SREBF1: variants seen among roughly 807,000 people sequenced by gnomAD.
SREBF1 encodes sterol regulatory element binding transcription factor 1, also known as sterol regulatory element-binding protein 1.
A neutral mutation model predicts 100.1 loss-of-function variants in SREBF1; 45 were observed. The ratio of observed to expected loss-of-function variants is 0.45; its 90% CI spans 0.35 to 0.58. The LOEUF is 0.58. Among genes scored for constraint, SREBF1 ranks in the 20% least tolerant of loss-of-function variants. The pLI is 0.00. For missense variants in SREBF1, 1,324 were observed against 1,539.4 expected (o/e 0.86, Z 2.34); for synonymous variants, 657 against 681.8 (o/e 0.96, Z 0.57).
chr17:17,817,087 G>A lies in SREBF1; in HGVS notation c.1656C>T (p.Leu552=). ...QWLLPPVVWL[L]NGLLVLVSLV... The stretch of plus-strand genomic sequence containing the variant: ...AGGAGACGAGCACCAACAGCCCATT[G>A]AGCAGCCAGACCACTGGGGGCAGCA... The change falls in exon 9 of 19, where the codon CTC becomes CTT. Residue 552 remains leucine, a synonymous_variant. Coordinates refer to ENST00000261646, the MANE Select transcript of SREBF1 (RefSeq NM_004176.5). This position sits in a 1 kb window ranked among gnomAD's most constrained non-coding sequence, Gnocchi z 6.6. 1 of 1,613,094 alleles carries A rather than the reference G, an allele frequency of 6.2e-7. No homozygotes were observed. Among genetic ancestry groups the A allele is most frequent in the Non-Finnish European group, 8.5e-7 (1 of 1,179,968 alleles).
intron 1 of SREBF1, among the ~76,000 whole-genome samples, chr17:17,825,224 G>A (rs1311118598): frequency 1.3e-5 from 2 of 152,218 alleles, no homozygotes; most frequent in African/African-American, 4.8e-5. Context: ...AGTCAAGCCT[G>A]TCCCCTCCCC....
chr17:17,821,764 C>A (rs2143017803), intron 1 of SREBF1, among the ~76,000 whole-genome samples: 1 of 152,266 alleles, frequency 6.6e-6, no homozygotes, highest in South Asian at 2.1e-4. Flanking sequence ...ACAGGGAAGT[C>A]CCCCAAGAGG....
intron 9 of SREBF1, 74 bp from the exon 10 acceptor site, chr17:17,816,792 C>G: frequency 6.4e-7 from 1 of 1,570,380 alleles, no homozygotes. Flanking sequence ...GAGCCGTCCA[C>G]AGCAGGCTCT....
Position 17,817,816 on chromosome 17 carries a change from G to T in SREBF1, c.1284C>A (p.Pro428=). ...GGAAAGGTGAGCCAGCATCCGAGGG[G>T]GGTGGGGTCAGTGTGTCCTCCACCT... The part of the protein sequence containing the change: ...KTEVEDTLTP[P]PSDAGSPFQS... The change falls in exon 7 of 19, where the codon CCC becomes CCA. Residue 428 remains proline, a synonymous_variant. Coordinates refer to ENST00000261646, the MANE Select transcript of SREBF1 (RefSeq NM_004176.5). This position sits in a 1 kb window ranked among gnomAD's most constrained non-coding sequence, Gnocchi z 6.6. 6.2e-7 allele frequency: 1 copy of T among 1,612,644 alleles called. No individual in the cohort carries two copies. Among genetic ancestry groups the T allele is most frequent in the Non-Finnish European group, 8.5e-7 (1 of 1,180,030 alleles).
intron 1 of SREBF1, among the ~76,000 whole-genome samples, chr17:17,827,891 G>C (rs994070886): frequency 6.6e-6 from 1 of 152,188 alleles, no homozygotes; most frequent in South Asian, 2.1e-4. Flanking sequence ...TGCAAAGACA[G>C]AGAGGACAAC....
intron 16 of SREBF1, 25 bp from the exon 17 acceptor site, chr17:17,813,794 G>C: frequency 2.0e-6 from 3 of 1,534,994 alleles, no homozygotes; most frequent in Non-Finnish European, 2.6e-6. Flanking sequence ...CAGGGCAGGG[G>C]TCACCAGGGC....
Position 17,836,927 on chromosome 17 carries a change from T to C in SREBF1, c.-110A>G. The C allele has an allele frequency of 9.5e-7, 1 of 1,047,302 alleles. No homozygotes were observed. Among genetic ancestry groups the C allele is most frequent in the Non-Finnish European group, 1.3e-6 (1 of 769,698 alleles). 64.9% of individuals were successfully genotyped at this position (1,047,302 alleles called of 1,614,324 possible). A position where few individuals can be genotyped will look rare whatever the true frequency, so the allele number is the denominator to read the frequency against. ...TCAGTCGCCGCCGCCGCTCCGCGCG[T>C]TCGTGTCCTGCCCTGGCCTCAGAGG... is the stretch of plus-strand genomic sequence containing the variant. On this transcript the variant is annotated 5_prime_UTR_variant, in exon 1 of 19. Transcript: ENST00000261646.
intron 1 of SREBF1, among the ~76,000 whole-genome samples, chr17:17,823,108 C>T (rs1236219033): frequency 6.6e-6 from 1 of 152,192 alleles, no homozygotes; most frequent in Non-Finnish European, 1.5e-5. Flanking sequence ...CTAGGGCTCC[C>T]ACTGTCTTCC....
intron 1 of SREBF1, among the ~76,000 whole-genome samples, chr17:17,831,350 C>T (rs1258609469): frequency 6.6e-6 from 1 of 151,966 alleles, no homozygotes; most frequent in Non-Finnish European, 1.5e-5. Context: ...AAGCAAGGCC[C>T]TGTTGTGGCT....
chr17:17,825,888 T>C (rs542345016), intron 1 of SREBF1, among the ~76,000 whole-genome samples: 2 of 152,180 alleles, frequency 1.3e-5, no homozygotes, highest in Non-Finnish European at 2.9e-5. Context: ...TGTGTTGCGA[T>C]TACAGGCATG....
chr17:17,813,676 C>G lies in SREBF1; in HGVS notation c.2995G>C (p.Gly999Arg). 6.5e-7 allele frequency: 1 copy of G among 1,549,150 alleles called. No individual in the cohort carries two copies. Among genetic ancestry groups the G allele is most frequent in the Non-Finnish European group, 8.7e-7 (1 of 1,154,136 alleles). Residue 999 changes from glycine (G) to arginine (R), a missense_variant, in exon 17 of 19, where the codon GGC (glycine) becomes CGC (arginine). Transcript: ENST00000261646. ...QPPAPAPAAQ[G>R]TSSRPQASAL... The stretch of plus-strand genomic sequence containing the variant: ...GAAGCCTGGGGCCTGCTGCTGGTGC[C>G]CTGGGCTGCTGGGGCCGGGGCCGGG...
intron 1 of SREBF1, among the ~76,000 whole-genome samples, chr17:17,828,132 C>G (rs2034606076): frequency 6.6e-6 from 1 of 152,234 alleles, no homozygotes; most frequent in Non-Finnish European, 1.5e-5. Context: ...GCTTCCTCCA[C>G]CCTCGTCTGC....
intron 1 of SREBF1, among the ~76,000 whole-genome samples, chr17:17,825,171 G>A (rs2034404299): frequency 6.6e-6 from 1 of 152,210 alleles, no homozygotes; most frequent in Admixed American, 6.5e-5. Flanking sequence ...AGACCAACAA[G>A]CAGATACTAG....
intron 1 of SREBF1, among the ~76,000 whole-genome samples, chr17:17,826,130 A>G (rs1166161741): frequency 6.6e-6 from 1 of 152,228 alleles, no homozygotes; most frequent in Non-Finnish European, 1.5e-5. Context: ...ATTCTGGGAA[A>G]GCAAGTGTGT....
intron 1 of SREBF1, among the ~76,000 whole-genome samples, chr17:17,826,980 G>A (rs2034530428): frequency 6.6e-6 from 1 of 152,334 alleles, no homozygotes; most frequent in South Asian, 2.1e-4. Flanking sequence ...AATATCTACT[G>A]TGTGCCAATC....
intron 5 of SREBF1, chr17:17,818,622 C>T: frequency 1.8e-6 from 1 of 564,174 alleles, no homozygotes; most frequent in Non-Finnish European, 3.2e-6. Flanking sequence ...CTGCCGCCAT[C>T]TCAGGGAGGC....
Position 17,812,492 on chromosome 17 carries a change from G to T in SREBF1, c.*130C>A. On this transcript the variant is annotated 3_prime_UTR_variant, in exon 19 of 19. Transcript: ENST00000261646. ...CCTTCCACCGCGAAGGCACACAGCAGCCGCAGGTCGAACTGTGGAGGCCAG... is the reference window on the plus strand; with the variant it reads ...CCTTCCACCGCGAAGGCACACAGCATCCGCAGGTCGAACTGTGGAGGCCAG... 2.1e-6 allele frequency: 2 copies of T among 956,776 alleles called. No individual in the cohort carries two copies. The highest frequency in any genetic ancestry group is 3.1e-6 in the Non-Finnish European group (2 of 645,550). The allele number at this position is 956,776 out of a possible 1,614,324, so 59.3% of individuals were successfully genotyped here. A position where few individuals can be genotyped will look rare whatever the true frequency, so the allele number is the denominator to read the frequency against.
intron 1 of SREBF1, among the ~76,000 whole-genome samples, chr17:17,828,343 C>T (rs1347885414): frequency 6.6e-6 from 1 of 152,204 alleles, no homozygotes; most frequent in African/African-American, 2.4e-5. Flanking sequence ...CACATGCCAG[C>T]TCCCAACATA....
chr17:17,821,829 GC>G (rs1271870229), intron 1 of SREBF1, among the ~76,000 whole-genome samples: 1 of 152,228 alleles, frequency 6.6e-6, no homozygotes, highest in East Asian at 1.9e-4. Flanking sequence ...AAGGGTGGGG[GC>G]CCATGTCAGA....
Sources: gnomAD v4.1 joint callset for allele counts (sites outside exome capture counted in the v4.1 genomes callset) on GRCh38, gnomAD v4.1.1 for gene constraint, Gnocchi (gnomAD v3.1) non-coding constraint, MANE v1.5 for transcripts, NCBI Gene and HGNC (gene_info 2026-07-23, HGNC 2026-07-21) for gene names.